The following METTL14 variants were observed in gnomAD, a reference collection of about 807,000 sequenced individuals.
METTL14 encodes the protein methyltransferase 14, N6-adenosine-methyltransferase non-catalytic subunit.
In METTL14, 32 loss-of-function variants were observed where a neutral mutation model predicts 62.4. The observed-to-expected ratio is 0.51, with a 90% CI of 0.39 to 0.69. The LOEUF is 0.69. METTL14 is among the 30% of genes least tolerant of loss of function. METTL14 has a pLI of 0.00. For synonymous variants in METTL14, 150 were observed against 180.0 expected, an observed-to-expected ratio of 0.83 and a Z score of 1.34; for missense variants, 340 against 551.9, an observed-to-expected ratio of 0.62 and a Z score of 3.85.
At chr4:118,703,651 A>G (rs1488266106) in intron 8 of METTL14, among the ~76,000 whole-genome samples, 2 of 152,212 alleles carry the variant, frequency 1.3e-5, no homozygotes, top group African/African-American at 4.8e-5. Flanking sequence ...ATTGATGACA[A>G]TAGAATGTAG....
At chr4:118,707,920 G>A (rs973758025) in intron 10 of METTL14, among the ~76,000 whole-genome samples, 1 of 150,048 alleles carries the variant, frequency 6.7e-6, no homozygotes, top group Non-Finnish European at 1.5e-5. Flanking sequence ...TGCAACCCCC[G>A]CCTCCCAGGT....
In METTL14 at chr4:118,709,949, AAG is replaced by A. The variant is rs544901758; in HGVS notation, c.1067-43_1067-42del. The A allele has an allele frequency of 4.6e-4, 696 of 1,515,752 alleles. 2 individuals carry two copies. In the African/African-American group the frequency reaches 8.4e-3, roughly 18 times the overall value. 93.9% of individuals were successfully genotyped at this position (1,515,752 alleles called of 1,614,324 possible). A position where few individuals can be genotyped will look rare whatever the true frequency, so the allele number is the denominator to read the frequency against. ...TTGAACTAGCTTCTAAAGAATTAAT[AAG>A]AGAGAATTGCAAATAAAAAGTATAA... On this transcript the variant is annotated intron_variant, in intron 10 of 10. Transcript: ENST00000388822.
intron 7 of METTL14, among the ~76,000 whole-genome samples, chr4:118,700,071 C>A (rs571839667): frequency 6.6e-6 from 1 of 151,454 alleles, no homozygotes; most frequent in Non-Finnish European, 1.5e-5. Context: ...AAGTAGTAAT[C>A]GTAGCAAAAT....
chr4:118,695,813 T>C (rs1324627338), intron 6 of METTL14, among the ~76,000 whole-genome samples: 2 of 152,058 alleles, frequency 1.3e-5, no homozygotes, highest in African/African-American at 2.4e-5. Flanking sequence ...TTTAATGATA[T>C]GATAAAATGT....
chr4:118,704,453 C>A (rs1724695662), intron 9 of METTL14, among the ~76,000 whole-genome samples: 1 of 152,184 alleles, frequency 6.6e-6, no homozygotes, highest in African/African-American at 2.4e-5. Flanking sequence ...CTGAGAACTT[C>A]TGTTTGTTGT....
chr4:118,707,220 A>G (rs1724781047), intron 10 of METTL14, among the ~76,000 whole-genome samples: 1 of 152,218 alleles, frequency 6.6e-6, no homozygotes, highest in Middle Eastern at 3.2e-3. Context: ...AAGAAATTGA[A>G]TAGGCAAGAG....
At chr4:118,685,816 C>T (rs1287096228) in intron 1 of METTL14, among the ~76,000 whole-genome samples, 1 of 152,144 alleles carries the variant, frequency 6.6e-6, no homozygotes, top group Non-Finnish European at 1.5e-5. Context: ...CTTTGTGGTG[C>T]TAAACCGAAT....
rs180912618 is a variant in METTL14, at chr4:118,691,064, A to G, written c.244-468A>G. On this transcript the variant is annotated intron_variant, in intron 3 of 10. Coordinates refer to ENST00000388822, the MANE Select transcript of METTL14 (RefSeq NM_020961.4). The stretch of plus-strand genomic sequence containing the variant: ...TACCTAATCTCGTGAATATTGTCTT[A>G]TATGTTGCAGTTCTGATAATATGTA... Among the ~76,000 whole-genome samples the G allele has an allele frequency of 5.3e-3, 808 of 152,240 alleles. 9 individuals are homozygous for G. Among genetic ancestry groups the G allele is most frequent in the African/African-American group, 0.018 (751 of 41,546 alleles).
intron 10 of METTL14, among the ~76,000 whole-genome samples, chr4:118,706,995 G>GT (rs1167622205): frequency 1.3e-5 from 2 of 151,926 alleles, no homozygotes; most frequent in East Asian, 3.9e-4. Context: ...TATCAGATTT[G>GT]TTTTTTGCAA....
At chr4:118,700,709 T>C in intron 8 of METTL14, 67 bp downstream of exon 8, 1 of 1,118,364 alleles carries the variant, frequency 8.9e-7, no homozygotes, top group Non-Finnish European at 1.3e-6. Context: ...GTATGTTGCA[T>C]AGGATGTTTG....
Position 118,714,467 on chromosome 4 carries a change from G to A in METTL14, c.*4165G>A, listed in dbSNP as rs1041456822. The A allele has an allele frequency of 6.6e-6, 1 of 152,150 alleles. No individual in the cohort carries two copies. The highest frequency in any genetic ancestry group is 1.5e-5 in the Non-Finnish European group (1 of 68,034). The allele number at this position is 152,150 out of a possible 1,614,324, so 9.4% of individuals were successfully genotyped here. A position where few individuals can be genotyped will look rare whatever the true frequency, so the allele number is the denominator to read the frequency against. ...AGAGAGAAGAGGGTAAGTCTGAGAT[G>A]TTCATGTGCATTTCCCTACATTTTA... is the stretch of plus-strand genomic sequence containing the variant. On this transcript the variant is annotated 3_prime_UTR_variant, in exon 11 of 11. Coordinates refer to ENST00000388822, the MANE Select transcript of METTL14 (RefSeq NM_020961.4).
chr4:118,703,879 A>G (rs1724679644), intron 8 of METTL14, 56 bp from the exon 9 acceptor site: 10 of 975,068 alleles, frequency 1.0e-5, no homozygotes, highest in Non-Finnish European at 1.5e-5. Context: ...GTTATTGTTA[A>G]GTATTGTTTA....
At chr4:118,692,176 C>CT (rs955675806) in intron 5 of METTL14, 108 bp downstream of exon 5, 2 of 666,688 alleles carry the variant, frequency 3.0e-6, no homozygotes, top group South Asian at 2.2e-5. Flanking sequence ...AGCTTGACAT[C>CT]TTTTTTTCGT....
intron 3 of METTL14, among the ~76,000 whole-genome samples, chr4:118,690,467 TC>T (rs1402781948): frequency 2.0e-5 from 3 of 151,960 alleles, no homozygotes; most frequent in African/African-American, 7.2e-5. Flanking sequence ...TCACTTGAGG[TC>T]AGGAGTTTAA....
At chr4:118,689,491 GA>G (rs1560876670) in intron 3 of METTL14, 34 bp downstream of exon 3, 2 of 1,218,038 alleles carry the variant, frequency 1.6e-6, no homozygotes, top group Non-Finnish European at 2.4e-6. Flanking sequence ...TATGGTCAAA[GA>G]AAACATAAAT....
intron 9 of METTL14, among the ~76,000 whole-genome samples, chr4:118,704,536 C>A (rs1199727304): frequency 6.6e-6 from 1 of 152,046 alleles, no homozygotes; most frequent in Non-Finnish European, 1.5e-5. Context: ...GTGGGAGGGT[C>A]TTTCTTATTA....
intron 5 of METTL14, 87 bp from the exon 6 acceptor site, chr4:118,694,349 G>A (rs778880166): frequency 7.6e-5 from 72 of 941,536 alleles, no homozygotes; most frequent in Admixed American, 1.2e-4. Context: ...GTATTATTTT[G>A]TTTTCTTGGG....
chr4:118,702,867 T>C (rs1724638115), intron 8 of METTL14, among the ~76,000 whole-genome samples: 1 of 145,270 alleles, frequency 6.9e-6, no homozygotes, highest in African/African-American at 2.5e-5. Context: ...TACTCTATCT[T>C]TTTTTTTTTT....
chr4:118,687,836 G>T, intron 1 of METTL14, 87 bp from the exon 2 acceptor site: 5 of 952,354 alleles, frequency 5.3e-6, no homozygotes, highest in Non-Finnish European at 8.2e-6. Flanking sequence ...TGTTTTTTAA[G>T]TATTTAATGT....
Sources: gnomAD v4.1 joint callset for allele counts (sites outside exome capture counted in the v4.1 genomes callset) on GRCh38, gnomAD v4.1.1 for gene constraint, MANE v1.5 for transcripts, NCBI Gene and HGNC (gene_info 2026-07-23, HGNC 2026-07-21) for gene names.